The following DMXL2 variants were observed in gnomAD, a reference collection of about 807,000 sequenced individuals.
DMXL2 encodes the protein dmX-like protein 2.
In DMXL2, 103 loss-of-function variants were observed where a neutral mutation model predicts 331.1. The observed-to-expected ratio is 0.31, with a 90% CI of 0.27 to 0.37. DMXL2 has a LOEUF of 0.37. DMXL2 is among the 10% of genes least tolerant of loss of function. The pLI, the probability that DMXL2 is intolerant of heterozygous loss-of-function variation, is 1.00. For missense variants in DMXL2, 3,171 were observed against 3,642.9 expected (o/e 0.87, Z 3.33); for synonymous variants, 1,281 against 1,252.1 (o/e 1.02, Z -0.49).
chr15:51,457,585 G>T, intron 36 of DMXL2, 119 bp from the exon 37 acceptor site: 2 of 1,229,870 alleles, frequency 1.6e-6, no homozygotes, highest in Non-Finnish European at 2.2e-6. Flanking sequence ...AAGTAGCCAT[G>T]AGAAAAACTT....
In DMXL2 at chr15:51,488,035, A is replaced by G. The variant is rs35347764; in HGVS notation, c.5136T>C (p.Ala1712=). The G allele has an allele frequency of 3.1e-6, 5 of 1,612,888 alleles. No individual in the cohort carries two copies. The highest frequency in any genetic ancestry group is 3.3e-5 in the Admixed American group (2 of 59,746). ...DRWRKAALKN[A]FSLLGKQRFE... is the part of the protein sequence containing the mutation. Reference sequence around the variant, plus strand: ...AGCGTTGTTTTCCAAGTAAGGAAAAAGCATTTTTCAAAGCAGCTTTTCGCC... The same window carrying G: ...AGCGTTGTTTTCCAAGTAAGGAAAAGGCATTTTTCAAAGCAGCTTTTCGCC... Residue 1712 remains alanine (A), a synonymous_variant, in exon 22 of 44, where the codon GCT becomes GCC. Transcript: ENST00000560891.
At chr15:51,512,486 G>A (rs1226363571) in intron 15 of DMXL2, among the ~76,000 whole-genome samples, 2 of 152,152 alleles carry the variant, frequency 1.3e-5, no homozygotes, top group African/African-American at 2.4e-5. Flanking sequence ...ATATGGAAGT[G>A]AAACAACACT....
chr15:51,474,214 T>G, intron 28 of DMXL2, 130 bp downstream of exon 28: 1 of 790,176 alleles, frequency 1.3e-6, no homozygotes, highest in Non-Finnish European at 1.9e-6. Flanking sequence ...TTATTTGCTG[T>G]CATAACAAGA....
At chr15:51,467,913 A>G (rs1433998728) in intron 29 of DMXL2, among the ~76,000 whole-genome samples, 1 of 152,062 alleles carries the variant, frequency 6.6e-6, no homozygotes, top group African/African-American at 2.4e-5. Flanking sequence ...TTTTTAGTAG[A>G]GACGGGGTTT....
At position 51,536,653 on chromosome 15, in the gene DMXL2, T is replaced by C; in HGVS notation, c.1827A>G (p.Thr609=). 1 of 1,614,174 alleles carries C rather than the reference T, an allele frequency of 6.2e-7. No homozygotes were observed. Among genetic ancestry groups the C allele is most frequent in the Non-Finnish European group, 8.5e-7 (1 of 1,179,994 alleles). ...CTATGTGTTTAGAGATCATCATTAC[T>C]GTGGGAGCTAAGATGTTCATATGTG... is the stretch of plus-strand genomic sequence containing the variant. ...HSTHMNILAP[T]VMMISKHIDG... The change falls in exon 12 of 44, where the codon ACA becomes ACG. Residue 609 remains threonine, a synonymous_variant. Transcript: ENST00000560891.
intron 13 of DMXL2, among the ~76,000 whole-genome samples, chr15:51,523,531 G>A (rs779492754): frequency 5.9e-5 from 9 of 152,190 alleles, no homozygotes; most frequent in Middle Eastern, 3.2e-3. Flanking sequence ...TTGTTTGAAC[G>A]TAGGGTCTTG....
At chr15:51,610,517 C>G (rs1006107827) in intron 1 of DMXL2, among the ~76,000 whole-genome samples, 1 of 152,068 alleles carries the variant, frequency 6.6e-6, no homozygotes, top group Non-Finnish European at 1.5e-5. Flanking sequence ...GCCTGTAATC[C>G]CAGAACTTTG....
intron 13 of DMXL2, among the ~76,000 whole-genome samples, chr15:51,534,772 G>A (rs1271662650): frequency 6.6e-6 from 1 of 152,010 alleles, no homozygotes; most frequent in African/African-American, 2.4e-5. Context: ...TCTCACTCAG[G>A]CAAAGACAAA....
At chr15:51,572,601 T>A (rs1166204621) in intron 2 of DMXL2, among the ~76,000 whole-genome samples, 1 of 152,130 alleles carries the variant, frequency 6.6e-6, no homozygotes, top group Non-Finnish European at 1.5e-5. Flanking sequence ...TCAAATCGGC[T>A]TCATCCCTGG....
At chr15:51,495,398 A>C (rs1007291507) in intron 18 of DMXL2, among the ~76,000 whole-genome samples, 1 of 152,198 alleles carries the variant, frequency 6.6e-6, no homozygotes, top group East Asian at 1.9e-4. Flanking sequence ...ATATTGACTC[A>C]TAATAAATGA....
In DMXL2 at chr15:51,536,872, A is replaced by G. The variant is rs367953012; in HGVS notation, c.1618-10T>C. On this transcript the variant is annotated splice_polypyrimidine_tract_variant and intron_variant, in intron 11 of 43. Coordinates refer to ENST00000560891, the MANE Select transcript of DMXL2 (RefSeq NM_001378457.1). ...GAGAAGAAAAAGAAACCTGAAAAAC[A>G]TAATTATATGATTCAGTGCAAATAG... 1.3e-6 allele frequency: 2 copies of G among 1,584,006 alleles called. No individual in the cohort carries two copies. Among genetic ancestry groups the G allele is most frequent in the Non-Finnish European group, 1.7e-6 (2 of 1,169,330 alleles).
At chr15:51,521,463 T>C (rs1567062994) in intron 13 of DMXL2, among the ~76,000 whole-genome samples, 1 of 109,916 alleles carries the variant, frequency 9.1e-6, no homozygotes, top group Non-Finnish European at 2.1e-5. Flanking sequence ...GTAGTAGTAG[T>C]GGTAGTGGTA....
At position 51,516,956 on chromosome 15, in the gene DMXL2, A is replaced by G. The variant is rs746824990; in HGVS notation, c.2526+122T>C. 44 of 779,166 alleles carry G rather than the reference A, an allele frequency of 5.6e-5. No individual in the cohort carries two copies. The Admixed American group carries it at 7.5e-4, about 13-fold the overall frequency. 48.3% of individuals were successfully genotyped at this position (779,166 alleles called of 1,614,324 possible). ...GTAGATTTTCACTATGGGAATCAAC[A>G]TAAGTTGTCTGCATTTAATAACAAA... On this transcript the variant is annotated intron_variant, in intron 14 of 43. Coordinates refer to ENST00000560891, the MANE Select transcript of DMXL2 (RefSeq NM_001378457.1).
At chr15:51,493,841 C>T (rs973021897) in intron 19 of DMXL2, among the ~76,000 whole-genome samples, 1 of 152,140 alleles carries the variant, frequency 6.6e-6, no homozygotes, top group Non-Finnish European at 1.5e-5. Context: ...GCATAGATTG[C>T]TTAAAATGTT....
At chr15:51,574,855 T>A (rs1303806365) in intron 2 of DMXL2, among the ~76,000 whole-genome samples, 1 of 152,230 alleles carries the variant, frequency 6.6e-6, no homozygotes, top group Admixed American at 6.5e-5. Flanking sequence ...GTGTGTTCAT[T>A]GCGATTATCA....
At chr15:51,523,828 TGAAGCAAAAACTTATA>T (rs1406648381) in intron 13 of DMXL2, among the ~76,000 whole-genome samples, 1 of 152,224 alleles carries the variant, frequency 6.6e-6, no homozygotes, top group Non-Finnish European at 1.5e-5. Flanking sequence ...GAAAACTATG[TGAAGCAAAAACTTATA>T]GAAGTAAAAG....
intron 19 of DMXL2, among the ~76,000 whole-genome samples, chr15:51,492,045 C>A (rs1461184736): frequency 6.6e-6 from 1 of 152,180 alleles, no homozygotes; most frequent in Non-Finnish European, 1.5e-5. Flanking sequence ...GAATATCAGG[C>A]CATTCACATG....
At position 51,486,107 on chromosome 15, in the gene DMXL2, C is replaced by A. The variant is rs557800420; in HGVS notation, c.5448G>T (p.Leu1816=). ...CATCATCCTCCTTTGGTGTTTGTTC[C>A]AGTAATGTGTCCAAGGCTCGGGTGT... ...KDYTRALDTL[L]EQTPKEDDEH... The change falls in exon 23 of 44, where the codon CTG becomes CTT. Residue 1816 remains leucine (L), a synonymous_variant. Coordinates refer to ENST00000560891, the MANE Select transcript of DMXL2 (RefSeq NM_001378457.1). The A allele has an allele frequency of 3.8e-5, 62 of 1,613,070 alleles. No individual in the cohort carries two copies. The highest frequency in any genetic ancestry group is 2.5e-6 in the Non-Finnish European group (3 of 1,179,408).
At chr15:51,601,964 G>A (rs1165365180) in intron 1 of DMXL2, among the ~76,000 whole-genome samples, 1 of 152,018 alleles carries the variant, frequency 6.6e-6, no homozygotes, top group Non-Finnish European at 1.5e-5. Context: ...TTGTTGCTAG[G>A]TCCTTTTTGA....
Sources: gnomAD v4.1 joint callset for allele counts (sites outside exome capture counted in the v4.1 genomes callset) on GRCh38, gnomAD v4.1.1 for gene constraint, MANE v1.5 for transcripts, NCBI Gene and HGNC (gene_info 2026-07-23, HGNC 2026-07-21) for gene names.